CDH13: variants seen among roughly 807,000 people sequenced by gnomAD.
CDH13 encodes cadherin 13.
A neutral mutation model predicts 63.8 loss-of-function variants in CDH13; 24 were observed. The observed-to-expected ratio is 0.38, with a 90% CI of 0.27 to 0.53. The LOEUF is 0.53. CDH13 is among the 20% of genes least tolerant of loss of function. The pLI is 0.85. For synonymous variants in CDH13, 503 were observed against 355.3 expected (o/e 1.42, Z -4.67); for missense variants, 1,049 against 903.1 (o/e 1.16, Z -2.07).
intron 2 of CDH13, among the ~76,000 whole-genome samples, chr16:83,014,504 C>G (rs1015970859): frequency 2.0e-5 from 3 of 151,024 alleles, no homozygotes; most frequent in Non-Finnish European, 4.4e-5. Flanking sequence ...GAGGCCAAGA[C>G]GGATAGATCA....
At chr16:82,681,439 A>C (rs891316414) in intron 1 of CDH13, among the ~76,000 whole-genome samples, 1 of 152,234 alleles carries the variant, frequency 6.6e-6, no homozygotes, top group African/African-American at 2.4e-5. Context: ...ATGGTTGCAC[A>C]GCATTGATAG....
chr16:83,380,898 C>T (rs1402471184), intron 6 of CDH13, among the ~76,000 whole-genome samples: 1 of 151,750 alleles, frequency 6.6e-6, no homozygotes, highest in Admixed American at 6.6e-5. Flanking sequence ...AACTAGCAGC[C>T]CTGCCACAAA....
At chr16:83,546,686 G>C (rs1171394938) in intron 7 of CDH13, among the ~76,000 whole-genome samples, 1 of 152,130 alleles carries the variant, frequency 6.6e-6, no homozygotes, top group Admixed American at 6.5e-5. Flanking sequence ...GGTGTGGAGA[G>C]AGGGTTGTGT....
intron 7 of CDH13, among the ~76,000 whole-genome samples, chr16:83,555,461 T>C (rs932236672): frequency 6.6e-6 from 1 of 152,228 alleles, no homozygotes; most frequent in Admixed American, 6.5e-5. Flanking sequence ...AAGACATCTT[T>C]TTATATGAAT....
intron 10 of CDH13, among the ~76,000 whole-genome samples, chr16:83,723,630 T>G (rs1486854216): frequency 6.6e-6 from 1 of 152,222 alleles, no homozygotes; most frequent in Non-Finnish European, 1.5e-5. Flanking sequence ...CTCCCTGTAC[T>G]GTTGCCCAAT....
intron 5 of CDH13, among the ~76,000 whole-genome samples, chr16:83,342,984 C>A (rs1172597011): frequency 6.7e-6 from 1 of 148,224 alleles, no homozygotes; most frequent in African/African-American, 2.5e-5. Flanking sequence ...TAGCAGTATT[C>A]TCATAATAGC....
At chr16:83,770,624 T>C (rs2150997650) in intron 11 of CDH13, among the ~76,000 whole-genome samples, 1 of 152,328 alleles carries the variant, frequency 6.6e-6, no homozygotes, top group East Asian at 1.9e-4. Context: ...TTTGAGGTTA[T>C]TTATTGATGA....
chr16:83,030,046 C>A (rs1387723976), intron 2 of CDH13, among the ~76,000 whole-genome samples: 4 of 152,088 alleles, frequency 2.6e-5, no homozygotes, highest in Non-Finnish European at 5.9e-5. Context: ...TGCAGAATCA[C>A]CATTGAGGGG....
chr16:82,941,188 A>G (rs779168109), intron 2 of CDH13, among the ~76,000 whole-genome samples: 5 of 152,214 alleles, frequency 3.3e-5, no homozygotes, highest in Non-Finnish European at 5.9e-5. Context: ...TTATTTATTC[A>G]TTCATTAACC....
chr16:82,671,370 G>C (rs1190573794), intron 1 of CDH13, among the ~76,000 whole-genome samples: 4 of 152,144 alleles, frequency 2.6e-5, no homozygotes, highest in Non-Finnish European at 5.9e-5. Flanking sequence ...GCAGTACCTT[G>C]GTCATGTAAG....
At chr16:82,818,586 A>T (rs1177665690) in intron 1 of CDH13, among the ~76,000 whole-genome samples, 1 of 152,080 alleles carries the variant, frequency 6.6e-6, no homozygotes, top group Non-Finnish European at 1.5e-5. Context: ...AAGCAAAAAG[A>T]TTTTGCTTTT....
intron 10 of CDH13, among the ~76,000 whole-genome samples, chr16:83,737,483 A>C (rs1911645627): frequency 6.6e-6 from 1 of 152,176 alleles, no homozygotes; most frequent in South Asian, 2.1e-4. Flanking sequence ...AATTTTAAGA[A>C]AGCTTTATAT....
chr16:82,672,310 TGATA>T (rs1913347765), intron 1 of CDH13, among the ~76,000 whole-genome samples: 1 of 152,158 alleles, frequency 6.6e-6, no homozygotes, highest in African/African-American at 2.4e-5. Context: ...TATTACTCCT[TGATA>T]GATAGCTAGA....
intron 3 of CDH13, among the ~76,000 whole-genome samples, chr16:83,075,419 C>T (rs932887182): frequency 6.6e-6 from 1 of 152,182 alleles, no homozygotes; most frequent in Admixed American, 6.5e-5. Context: ...TCTTCTTTCC[C>T]AGTCATTTTC....
At chr16:83,460,712 G>A (rs2073153530) in intron 6 of CDH13, among the ~76,000 whole-genome samples, 3 of 152,216 alleles carry the variant, frequency 2.0e-5, no homozygotes, top group South Asian at 4.1e-4. Context: ...ATTGCAGATA[G>A]CCTGAGTGCA....
chr16:83,382,400 G>T (rs942288080), intron 6 of CDH13, among the ~76,000 whole-genome samples: 7 of 152,116 alleles, frequency 4.6e-5, no homozygotes, highest in African/African-American at 1.7e-4. Context: ...GTACAGAAAA[G>T]TTGCACGAAC....
chr16:83,308,408 TC>T (rs1345301008), intron 5 of CDH13, among the ~76,000 whole-genome samples: 2 of 152,190 alleles, frequency 1.3e-5, no homozygotes, highest in African/African-American at 4.8e-5. Flanking sequence ...TGGTGAGATT[TC>T]AAGGTCCAAC....
At chr16:83,131,211 C>G (rs1263130071) in intron 4 of CDH13, among the ~76,000 whole-genome samples, 2 of 132,842 alleles carry the variant, frequency 1.5e-5, no homozygotes, top group Non-Finnish European at 3.1e-5. Flanking sequence ...CGCCCACAGA[C>G]ACACACAGGA....
chr16:83,280,414 A>T (rs759247604), intron 5 of CDH13, among the ~76,000 whole-genome samples: 12 of 152,206 alleles, frequency 7.9e-5, no homozygotes, highest in Non-Finnish European at 1.5e-4. Context: ...GAATTCATTC[A>T]CATCTTCAAG....
Sources: allele counts gnomAD v4.1 joint callset (sites outside exome capture counted in the v4.1 genomes callset), GRCh38; gene constraint gnomAD v4.1.1; transcripts MANE v1.5; gene names NCBI Gene and HGNC (gene_info 2026-07-23, HGNC 2026-07-21).